The following SYT10 variants were observed in gnomAD, a reference collection of about 807,000 sequenced individuals.
SYT10 encodes synaptotagmin 10.
A neutral mutation model predicts 51.1 loss-of-function variants in SYT10; 31 were observed. The ratio of observed to expected loss-of-function variants is 0.61; its 90% confidence interval spans 0.46 to 0.82. SYT10 has a LOEUF of 0.82. Among genes scored for constraint, SYT10 ranks in the 40% least tolerant of loss-of-function variants. SYT10 has a pLI of 0.00. For synonymous variants in SYT10, 233 were observed against 225.9 expected, an observed-to-expected ratio of 1.03 and a Z score of -0.28; for missense variants, 603 against 634.0, an observed-to-expected ratio of 0.95 and a Z score of 0.53.
rs1331660890 is a variant in SYT10 at position 33,376,821 on chromosome 12, T to C, written c.*9A>G. 1 of 1,613,910 alleles carries C rather than the reference T, an allele frequency of 6.2e-7. No individual in the cohort carries two copies. Among genetic ancestry groups the C allele is most frequent in the African/African-American group, 1.3e-5 (1 of 74,908 alleles). On this transcript the variant is annotated 3_prime_UTR_variant, in exon 7 of 7. Coordinates refer to ENST00000228567, the MANE Select transcript of SYT10 (RefSeq NM_198992.4). The stretch of plus-strand genomic sequence containing the variant: ...AGATGCTTAATATCATGGTCTCATT[T>C]TGGAGGCATTATGGTGTGGAAGGTG...
intron 1 of SYT10, chr12:33,432,512 T>C (rs1241341475): frequency 6.6e-6 from 1 of 152,042 alleles, no homozygotes; most frequent in African/African-American, 2.4e-5. Flanking sequence ...TCAATAAATA[T>C]TGCTTGAATA....
chr12:33,380,097 G>A (rs1866101234), intron 5 of SYT10, 136 bp from the exon 6 acceptor site: 7 of 859,634 alleles, frequency 8.1e-6, no homozygotes, highest in East Asian at 2.8e-5. Context: ...ACTTCAGACC[G>A]AATGAAATCT....
rs1221651312 is a variant in SYT10, at chr12:33,376,928, T to C, written c.1501-27A>G. On this transcript the variant is annotated intron_variant, in intron 6 of 6. Transcript: ENST00000228567. ...TGAAAGACAAAAATTTCATAATGTA[T>C]GATCTAGTACAGAAATAGAACACAG... is the stretch of plus-strand genomic sequence containing the variant. The C allele has an allele frequency of 1.9e-6, 3 of 1,611,400 alleles. No homozygotes were observed. In the Admixed American group the frequency reaches 5.0e-5, roughly 27 times the overall value.
intron 3 of SYT10, among the ~76,000 whole-genome samples, chr12:33,387,116 G>A (rs1313430102): frequency 6.6e-6 from 1 of 152,014 alleles, no homozygotes; most frequent in African/African-American, 2.4e-5. Context: ...ACAGAGCTGG[G>A]GTCTTAAACT....
chr12:33,438,723 A>C lies in SYT10; in HGVS notation c.151+649T>G, dbSNP rs181231718. Among the ~76,000 whole-genome samples, 866 of 144,900 alleles carry C rather than the reference A, an allele frequency of 6.0e-3. 5 individuals carry two copies. Among genetic ancestry groups the C allele is most frequent in the African/African-American group, 0.024 (822 of 34,510 alleles). ...TTCTTCGATATGTGCTCTGAGCTTTAGGTGTCGCCTCACAAATGGGATCAA... is the reference window on the plus strand; with the variant it reads ...TTCTTCGATATGTGCTCTGAGCTTTCGGTGTCGCCTCACAAATGGGATCAA... On this transcript the variant is annotated intron_variant, in intron 1 of 6. Transcript: ENST00000228567.
chr12:33,402,400 A>T (rs1866314575), intron 3 of SYT10, among the ~76,000 whole-genome samples: 1 of 152,062 alleles, frequency 6.6e-6, no homozygotes, highest in Admixed American at 6.6e-5. Flanking sequence ...GAATTCTATC[A>T]TCATGGAAAG....
chr12:33,404,627 G>T lies in SYT10; in HGVS notation c.1077+2162C>A, dbSNP rs1489309079. Among the ~76,000 whole-genome samples, 2 of 152,132 alleles carry T rather than the reference G, an allele frequency of 1.3e-5. 1 individual carries two copies. The highest frequency in any genetic ancestry group is 6.8e-3 in the Middle Eastern group (2 of 294). On this transcript the variant is annotated intron_variant, in intron 3 of 6. Transcript: ENST00000228567. ...AGGCTGGTCTTGAACTCTTGACCTC[G>T]TGATCCACCCACCTTGGCCTCCCAA...
chr12:33,398,406 G>A (rs879850165), intron 3 of SYT10, among the ~76,000 whole-genome samples: 17 of 152,066 alleles, frequency 1.1e-4, no homozygotes, highest in Non-Finnish European at 2.5e-4. Context: ...ACAGCTACTT[G>A]GGAGGCTGAG....
chr12:33,426,639 A>T, intron 1 of SYT10, 144 bp from the exon 2 acceptor site: 1 of 801,188 alleles, frequency 1.2e-6, no homozygotes, highest in Non-Finnish European at 1.9e-6. Flanking sequence ...TGTAGGAAGA[A>T]AAGGTTAATA....
At chr12:33,428,836 G>T (rs1473777270) in intron 1 of SYT10, among the ~76,000 whole-genome samples, 2 of 151,706 alleles carry the variant, frequency 1.3e-5, no homozygotes, top group African/African-American at 4.8e-5. Context: ...AGCCCGGGAC[G>T]TGGAGCTTGC....
intron 3 of SYT10, among the ~76,000 whole-genome samples, chr12:33,393,014 A>AAAAAT (rs1866223413): frequency 1.4e-5 from 2 of 142,712 alleles, no homozygotes; most frequent in African/African-American, 2.6e-5. Context: ...AAAAAAAAAA[A>AAAAAT]TTGCAAAAAC....
chr12:33,436,266 G>T (rs1409956756), intron 1 of SYT10, among the ~76,000 whole-genome samples: 1 of 152,084 alleles, frequency 6.6e-6, no homozygotes, highest in Admixed American at 6.6e-5. Flanking sequence ...ATGTTGCTTT[G>T]TATTTTCCCT....
intron 1 of SYT10, among the ~76,000 whole-genome samples, chr12:33,428,463 T>C (rs1471318394): frequency 6.6e-6 from 1 of 152,192 alleles, no homozygotes; most frequent in East Asian, 1.9e-4. Flanking sequence ...GCTGGGAGAA[T>C]ATTTTAAGAA....
At position 33,379,874 on chromosome 12, in the gene SYT10, G is replaced by T. The variant is rs1351362320; in HGVS notation, c.1458C>A (p.Ala486=). The T allele has an allele frequency of 6.2e-7, 1 of 1,613,810 alleles. No homozygotes were observed. Among genetic ancestry groups the T allele is most frequent in the Non-Finnish European group, 8.5e-7 (1 of 1,179,938 alleles). The change falls in exon 6 of 7, where the codon GCC becomes GCA. Residue 486 remains alanine, a synonymous_variant. Coordinates refer to ENST00000228567, the MANE Select transcript of SYT10 (RefSeq NM_198992.4). Reference sequence around the variant, plus strand: ...AGTGCGTTATTGGTTTTCGATGATAGGCCAGCATTTCATTCCAGTGGTCTC... The same window carrying T: ...AGTGCGTTATTGGTTTTCGATGATATGCCAGCATTTCATTCCAGTGGTCTC... ...LGRDHWNEML[A]YHRKPITHWH...
chr12:33,379,657 A>C (rs555218700), intron 6 of SYT10, among the ~76,000 whole-genome samples, 175 bp downstream of exon 6: 66 of 151,406 alleles, frequency 4.4e-4, no homozygotes, highest in African/African-American at 1.5e-3. Context: ...CCAGGAAGGC[A>C]CACAGAACTT....
At chr12:33,414,297 T>C (rs938416091) in intron 2 of SYT10, among the ~76,000 whole-genome samples, 2 of 152,104 alleles carry the variant, frequency 1.3e-5, no homozygotes, top group Non-Finnish European at 2.9e-5. Context: ...TTAACAAGGA[T>C]ATCCAGGAAT....
intron 3 of SYT10, among the ~76,000 whole-genome samples, chr12:33,389,880 C>T (rs1866188894): frequency 6.6e-6 from 1 of 152,188 alleles, no homozygotes; most frequent in Admixed American, 6.5e-5. Flanking sequence ...CAGAGTGGGT[C>T]TATTGGACTC....
At position 33,439,501 on chromosome 12, in the gene SYT10, C is replaced by CGT; in HGVS notation, c.20_21dup (p.Gly8ThrfsTer3). ...GCCTTCTGGCACAGACTGTTCACTC[C>CGT]GTCCTCCTTGTGGAAACTCATCGTT... is the stretch of plus-strand genomic sequence containing the variant. On this transcript the variant is annotated frameshift_variant, in exon 1 of 7. Coordinates refer to ENST00000228567, the MANE Select transcript of SYT10 (RefSeq NM_198992.4). LOFTEE classifies it high-confidence loss of function. 6.2e-7 allele frequency: 1 copy of CGT among 1,613,214 alleles called. No homozygotes were observed. Among genetic ancestry groups the CGT allele is most frequent in the South Asian group, 1.1e-5 (1 of 90,898 alleles).
chr12:33,417,708 T>A (rs1205038242), intron 2 of SYT10, among the ~76,000 whole-genome samples: 1 of 152,202 alleles, frequency 6.6e-6, no homozygotes, highest in Admixed American at 6.5e-5. Context: ...CATTTGCACA[T>A]GTGCAAGTGT....
Sources: allele counts gnomAD v4.1 joint callset (sites outside exome capture counted in the v4.1 genomes callset), GRCh38; gene constraint gnomAD v4.1.1; transcripts MANE v1.5; gene names NCBI Gene and HGNC (gene_info 2026-07-23, HGNC 2026-07-21).